The following COL25A1 variants were observed in gnomAD, a reference collection of about 807,000 sequenced individuals.
COL25A1 encodes collagen alpha-1(XXV) chain.
Under a neutral mutation model 128.4 loss-of-function variants are expected in COL25A1, and 103 were observed. That is an observed-to-expected ratio of 0.80 (90% CI 0.68 to 0.94). COL25A1 has a LOEUF of 0.94. Among genes scored for constraint, COL25A1 ranks in the 40% least tolerant of loss-of-function variants. The pLI is 0.00. For synonymous variants in COL25A1, 279 were observed against 277.2 expected (o/e 1.01, Z -0.06); for missense variants, 745 against 840.0 (o/e 0.89, Z 1.40).
intron 3 of COL25A1, among the ~76,000 whole-genome samples, chr4:109,201,797 TA>T (rs1776576644): frequency 6.6e-6 from 1 of 152,122 alleles, no homozygotes; most frequent in African/African-American, 2.4e-5. Context: ...TTGCAGGATA[TA>T]AAGTTAAAAT....
chr4:109,114,333 AG>A (rs1460359223), intron 3 of COL25A1, among the ~76,000 whole-genome samples: 1 of 142,364 alleles, frequency 7.0e-6, no homozygotes, highest in African/African-American at 3.1e-5. Context: ...AATTTAGGAC[AG>A]GGGTTTACAC....
intron 30 of COL25A1, among the ~76,000 whole-genome samples, chr4:108,843,498 A>C (rs558310484): frequency 6.6e-6 from 1 of 152,278 alleles, no homozygotes; most frequent in East Asian, 1.9e-4. Context: ...TAACCTTAAC[A>C]ACTGTCTTTG....
intron 3 of COL25A1, among the ~76,000 whole-genome samples, chr4:109,115,551 T>C (rs1767458100): frequency 6.6e-6 from 1 of 152,116 alleles, no homozygotes; most frequent in African/African-American, 2.4e-5. Flanking sequence ...TTTGTATCTT[T>C]CTTCTTCTAT....
chr4:108,984,870 A>G (rs996468858), intron 6 of COL25A1, among the ~76,000 whole-genome samples: 1 of 152,242 alleles, frequency 6.6e-6, no homozygotes, highest in African/African-American at 2.4e-5. Context: ...GGAAGCGCCA[A>G]GAGCCAGCGA....
chr4:109,073,513 G>A (rs1201680655), intron 3 of COL25A1, among the ~76,000 whole-genome samples: 1 of 150,200 alleles, frequency 6.7e-6, no homozygotes, highest in East Asian at 1.9e-4. Context: ...CTGGGATTTT[G>A]GCTTAATAAT....
At chr4:109,008,462 A>G (rs939286131) in intron 6 of COL25A1, among the ~76,000 whole-genome samples, 2 of 152,146 alleles carry the variant, frequency 1.3e-5, no homozygotes, top group Admixed American at 6.5e-5. Context: ...CATCTCTCAA[A>G]TAAGTTATTT....
chr4:109,197,428 TAA>T (rs1341936241), intron 3 of COL25A1, among the ~76,000 whole-genome samples: 2 of 125,426 alleles, frequency 1.6e-5, no homozygotes, highest in African/African-American at 6.0e-5. Flanking sequence ...ATATTATATA[TAA>T]ATATTATATA....
At chr4:108,893,770 A>G (rs4615248) in intron 16 of COL25A1, among the ~76,000 whole-genome samples, 81,846 of 152,014 alleles carry the variant, frequency 0.54, 23,395 homozygotes, top group East Asian at 0.99. Context: ...CAAAGGCCAT[A>G]AGAAGAGTGT....
intron 18 of COL25A1, among the ~76,000 whole-genome samples, chr4:108,886,490 G>T (rs62314606): frequency 0.25 from 10,408 of 41,482 alleles, 666 homozygotes; most frequent in East Asian, 0.36. Context: ...GTGTGTGTGT[G>T]TGTTTAGCTC....
intron 3 of COL25A1, among the ~76,000 whole-genome samples, chr4:109,218,461 G>A (rs1392485480): frequency 7.1e-6 from 1 of 140,556 alleles, no homozygotes; most frequent in Non-Finnish European, 1.5e-5. Flanking sequence ...TCCAAACCCA[G>A]GACAATCCAG....
intron 27 of COL25A1, 45 bp downstream of exon 27, chr4:108,848,714 T>C (rs756079534): frequency 5.2e-6 from 7 of 1,340,824 alleles, no homozygotes; most frequent in Admixed American, 3.4e-5. Context: ...AAAGTAGTAA[T>C]CAAGAATGAT....
intron 25 of COL25A1, 26 bp downstream of exon 25, chr4:108,852,876 C>A: frequency 6.2e-7 from 1 of 1,602,522 alleles, no homozygotes; most frequent in East Asian, 2.2e-5. Flanking sequence ...AACCACAAAC[C>A]ACAGAAAGCA....
chr4:108,939,216 T>C (rs1036053991), intron 10 of COL25A1, among the ~76,000 whole-genome samples: 4 of 152,218 alleles, frequency 2.6e-5, no homozygotes, highest in Middle Eastern at 3.2e-3. Flanking sequence ...CAGCAATCAA[T>C]GGGAGAGCTT....
At chr4:109,000,303 A>G (rs776674103) in intron 6 of COL25A1, among the ~76,000 whole-genome samples, 3 of 152,160 alleles carry the variant, frequency 2.0e-5, no homozygotes, top group Non-Finnish European at 4.4e-5. Flanking sequence ...ATAAGACATA[A>G]TTATCTCTGC....
rs192200670 is a variant in COL25A1, at chr4:109,256,914, C to G, written c.367+43669G>C. Among the ~76,000 whole-genome samples the G allele has an allele frequency of 9.3e-4, 141 of 152,284 alleles. 2 individuals are homozygous for G. The highest frequency in any genetic ancestry group is 1.5e-3 in the Non-Finnish European group (105 of 68,014). On this transcript the variant is annotated intron_variant, in intron 3 of 37. Coordinates refer to ENST00000399132, the MANE Select transcript of COL25A1 (RefSeq NM_198721.4). ...AATCAGGGAAAAGTCTTCTCTGGGT[C>G]ACTTCTAATCCCCTAACAAGAACTT...
intron 8 of COL25A1, among the ~76,000 whole-genome samples, chr4:108,948,251 G>C (rs1374802086): frequency 6.6e-6 from 1 of 152,138 alleles, no homozygotes; most frequent in African/African-American, 2.4e-5. Flanking sequence ...GCAGTAGATG[G>C]TATAATTTAT....
intron 3 of COL25A1, among the ~76,000 whole-genome samples, chr4:109,170,996 C>T (rs1773532935): frequency 6.6e-6 from 1 of 152,034 alleles, no homozygotes; most frequent in Admixed American, 6.6e-5. Flanking sequence ...AGGGAAAGGA[C>T]TTTATCTTTT....
intron 3 of COL25A1, among the ~76,000 whole-genome samples, chr4:109,161,846 C>T (rs1480629977): frequency 2.6e-5 from 4 of 152,096 alleles, no homozygotes; most frequent in Non-Finnish European, 5.9e-5. Context: ...CTGAGATTCC[C>T]GGACCAGTTA....
intron 37 of COL25A1, 102 bp from the exon 38 acceptor site, chr4:108,814,031 T>G (rs1355289377): frequency 7.8e-6 from 7 of 896,698 alleles, no homozygotes; most frequent in Non-Finnish European, 1.3e-5. Context: ...GAACCTTGAA[T>G]AGAGTCTATA....
Sources: allele counts gnomAD v4.1 joint callset (sites outside exome capture counted in the v4.1 genomes callset), GRCh38; gene constraint gnomAD v4.1.1; transcripts MANE v1.5; gene names NCBI Gene and HGNC (gene_info 2026-07-23, HGNC 2026-07-21).